Variants in DAW1 observed in about 807,000 individuals in gnomAD.
DAW1 encodes dynein assembly factor with WD repeat domains 1.
DAW1 carries 47 observed loss-of-function variants against 56.5 expected under a neutral mutation model. The observed-to-expected ratio is 0.83, with a 90% CI of 0.66 to 1.06. The LOEUF (loss-of-function observed/expected upper bound fraction) is 1.06. Ranked by LOEUF, DAW1 falls within the 50% of genes least tolerant of loss-of-function variation. The pLI, the probability that DAW1 is intolerant of heterozygous loss-of-function variation, is 0.00. For synonymous variants in DAW1, 190 were observed against 179.0 expected (o/e 1.06, Z -0.49); for missense variants, 505 against 499.3 (o/e 1.01, Z -0.11).
At chr2:227,887,774 T>A (rs1691166418) in intron 2 of DAW1, 1 of 152,176 alleles carries the variant, frequency 6.6e-6, no homozygotes, top group Non-Finnish European at 1.5e-5. Context: ...GACCTTTTGG[T>A]GATATGAGAA....
intron 1 of DAW1, chr2:227,876,400 T>C: frequency 7.8e-7 from 1 of 1,279,950 alleles, no homozygotes; most frequent in Non-Finnish European, 1.0e-6. Flanking sequence ...TATAATGAGG[T>C]CATATTACTT....
chr2:227,914,775 A>G (rs192144488), intron 10 of DAW1, among the ~76,000 whole-genome samples: 1 of 152,044 alleles, frequency 6.6e-6, no homozygotes, highest in African/African-American at 2.4e-5. Context: ...TTTCATCACC[A>G]TCTTGAAATT....
chr2:227,905,840 C>T (rs1449940769), intron 8 of DAW1, among the ~76,000 whole-genome samples: 5 of 152,050 alleles, frequency 3.3e-5, no homozygotes, highest in South Asian at 2.1e-4. Context: ...CTGCAAGCTC[C>T]GCTTCCTGGG....
chr2:227,896,886 A>T (rs1273928781), intron 5 of DAW1, among the ~76,000 whole-genome samples: 1 of 151,828 alleles, frequency 6.6e-6, no homozygotes, highest in African/African-American at 2.4e-5. Context: ...GAGGGAACTG[A>T]TAAAGAATGT....
rs1252374369 is a variant in DAW1, at chr2:227,906,262, G to A, written c.782G>A (p.Cys261Tyr). 1 of 1,612,926 alleles carries A rather than the reference G, an allele frequency of 6.2e-7. No individual in the cohort carries two copies. The highest frequency in any genetic ancestry group is 8.5e-7 in the Non-Finnish European group (1 of 1,179,342). ...GRKVNILIGH[C>Y]AEISSASFNW... ...AAGGTAAATATCTTAATTGGTCATT[G>A]TGCTGAGATTAGCAGTGCCTCATTC... The change falls in exon 9 of 13, where the codon TGT (cysteine) becomes TAT (tyrosine). Residue 261 changes from cysteine to tyrosine, a missense_variant. By Grantham distance (194) the Cys-to-Tyr change is radical. Transcript: ENST00000309931.
intron 6 of DAW1, among the ~76,000 whole-genome samples, chr2:227,902,435 G>T (rs1691569714): frequency 6.6e-6 from 1 of 152,062 alleles, no homozygotes; most frequent in Non-Finnish European, 1.5e-5. Flanking sequence ...TGGGGGAGGG[G>T]AGTGGGAAGG....
intron 10 of DAW1, among the ~76,000 whole-genome samples, chr2:227,914,787 A>G (rs1462400722): frequency 6.6e-6 from 1 of 152,052 alleles, no homozygotes; most frequent in African/African-American, 2.4e-5. Flanking sequence ...CTTGAAATTT[A>G]TGTTGGAATC....
intron 10 of DAW1, among the ~76,000 whole-genome samples, chr2:227,914,808 C>T (rs1010638384): frequency 4.6e-5 from 7 of 152,194 alleles, no homozygotes; most frequent in African/African-American, 1.7e-4. Flanking sequence ...AATATGATAT[C>T]TGTCTTAGAT....
chr2:227,896,153 T>C (rs1691402143), intron 5 of DAW1, among the ~76,000 whole-genome samples: 1 of 152,232 alleles, frequency 6.6e-6, no homozygotes, highest in Non-Finnish European at 1.5e-5. Context: ...AATTTAACTT[T>C]GATCTATGCA....
intron 11 of DAW1, among the ~76,000 whole-genome samples, chr2:227,920,044 G>A (rs905219187): frequency 2.6e-5 from 4 of 152,140 alleles, no homozygotes; most frequent in African/African-American, 7.2e-5. Flanking sequence ...GAAAAGTGGG[G>A]TGTGGGAGGC....
At chr2:227,894,041 C>G (rs919486675) in intron 5 of DAW1, 124 bp downstream of exon 5, 1 of 1,005,984 alleles carries the variant, frequency 9.9e-7, no homozygotes, top group Non-Finnish European at 1.4e-6. Flanking sequence ...GCTTTGGAAG[C>G]CTTTTAAATA....
In DAW1 at chr2:227,917,980, G is replaced by C. The variant is rs1692003639; in HGVS notation, c.974-800G>C. On this transcript the variant is annotated intron_variant, in intron 10 of 12. Transcript: ENST00000309931. The stretch of plus-strand genomic sequence containing the variant: ...CTATAATCAGAGATTTAAAAAAGCA[G>C]TCTTCATCTGGCAAGGCAAATTGTA... 2.0e-5 allele frequency among the ~76,000 whole-genome samples: 3 copies of C among 152,178 alleles called. No homozygotes were observed. The South Asian group carries it at 6.2e-4, about 32-fold the overall frequency.
intron 6 of DAW1, among the ~76,000 whole-genome samples, chr2:227,900,504 A>G (rs982243958): frequency 6.6e-6 from 1 of 152,216 alleles, no homozygotes; most frequent in African/African-American, 2.4e-5. Flanking sequence ...GATGTGTTGT[A>G]AGTGTCAGAA....
rs765569209 is a variant in DAW1, at chr2:227,906,256, G to T, written c.776G>T (p.Gly259Val). The part of the protein sequence containing the change: ...DTGRKVNILI[G>V]HCAEISSASF... ...TGTAGGAAGGTAAATATCTTAATTG[G>T]TCATTGTGCTGAGATTAGCAGTGCC... Residue 259 changes from glycine (G) to valine (V), a missense_variant, in exon 9 of 13, where the codon GGT (glycine) becomes GTT (valine). By Grantham distance (109) the Gly-to-Val change is moderately radical. Coordinates refer to ENST00000309931, the MANE Select transcript of DAW1 (RefSeq NM_178821.3). 1 of 1,612,108 alleles carries T rather than the reference G, an allele frequency of 6.2e-7. No individual in the cohort carries two copies. The highest frequency in any genetic ancestry group is 8.5e-7 in the Non-Finnish European group (1 of 1,178,872).
At chr2:227,875,086 C>T (rs1345522844) in intron 1 of DAW1, among the ~76,000 whole-genome samples, 1 of 152,220 alleles carries the variant, frequency 6.6e-6, no homozygotes, top group Non-Finnish European at 1.5e-5. Flanking sequence ...ATGTGGGGGT[C>T]TCCCATGGTC....
At chr2:227,892,445 A>C (rs563652098) in intron 4 of DAW1, among the ~76,000 whole-genome samples, 1 of 152,268 alleles carries the variant, frequency 6.6e-6, no homozygotes, top group East Asian at 1.9e-4. Flanking sequence ...TAACTTAACT[A>C]TTAATAATTA....
intron 3 of DAW1, 57 bp downstream of exon 3, chr2:227,890,057 A>G: frequency 2.8e-6 from 4 of 1,439,484 alleles, no homozygotes; most frequent in South Asian, 3.2e-5. Flanking sequence ...TTGATATTTT[A>G]TTAATTTTTC....
At chr2:227,898,075 T>G in intron 5 of DAW1, 107 bp from the exon 6 acceptor site, 1 of 554,748 alleles carries the variant, frequency 1.8e-6, no homozygotes, top group Admixed American at 4.0e-5. Flanking sequence ...GCTTATAGCT[T>G]TAGAAGTGAA....
At chr2:227,919,976 G>T (rs1692065177) in intron 11 of DAW1, among the ~76,000 whole-genome samples, 1 of 152,174 alleles carries the variant, frequency 6.6e-6, no homozygotes. Context: ...GGTCTCCAGG[G>T]CATGCAGACT....
Sources: gnomAD v4.1 joint callset for allele counts (sites outside exome capture counted in the v4.1 genomes callset) on GRCh38, gnomAD v4.1.1 for gene constraint, MANE v1.5 for transcripts, NCBI Gene and HGNC (gene_info 2026-07-23, HGNC 2026-07-21) for gene names.